CSMD2: variants seen among roughly 807,000 people sequenced by gnomAD.
CSMD2 encodes CUB and Sushi multiple domains 2.
CSMD2 carries 130 observed loss-of-function variants against 398.5 expected under a neutral mutation model. That is an observed-to-expected ratio of 0.33 (90% CI 0.28 to 0.38). The LOEUF is 0.38. CSMD2 is among the 10% of genes least tolerant of loss of function. The probability of loss-of-function intolerance (pLI) is 1.00; values close to 1 mark genes in which losing one functional copy is unlikely to be tolerated. For missense variants in CSMD2, 3,829 were observed against 4,764.9 expected (o/e 0.80, Z 5.78); for synonymous variants, 1,828 against 1,908.5 (o/e 0.96, Z 1.10).
In CSMD2 at chr1:33,954,954, G is replaced by A. The variant is rs1287255223; in HGVS notation, c.518-19000C>T. Among the ~76,000 whole-genome samples the A allele has an allele frequency of 2.0e-5, 3 of 152,268 alleles. No individual in the cohort carries two copies. In the East Asian group the frequency reaches 5.8e-4, roughly 29 times the overall value. ...TGAACTAACTCCACACTTAAAAATG[G>A]TTAAGATAATGAGTGGTGTTATGTG... On this transcript the variant is annotated intron_variant, in intron 3 of 70. Coordinates refer to ENST00000373381, the MANE Select transcript of CSMD2 (RefSeq NM_001281956.2).
Position 33,636,949 on chromosome 1 carries a change from T to C in CSMD2, c.4775-395A>G, listed in dbSNP as rs1487465704. Among the ~76,000 whole-genome samples, 1 of 152,106 alleles carries C rather than the reference T, an allele frequency of 6.6e-6. No individual in the cohort carries two copies. The highest frequency in any genetic ancestry group is 2.4e-5 in the African/African-American group (1 of 41,414). On this transcript the variant is annotated intron_variant, in intron 29 of 70. Coordinates refer to ENST00000373381, the MANE Select transcript of CSMD2 (RefSeq NM_001281956.2). The surrounding 1 kb of genome is among the most constrained non-coding windows in gnomAD (Gnocchi z 4.8). Reference sequence around the variant, plus strand: ...GCCGGCAGGGTCACTGTGGTAAAGGTCAGTGCTTAGGTACAGCCCATCACT... The same window carrying C: ...GCCGGCAGGGTCACTGTGGTAAAGGCCAGTGCTTAGGTACAGCCCATCACT...
chr1:33,820,016 T>C (rs552671531), intron 8 of CSMD2, among the ~76,000 whole-genome samples, 179 bp from the exon 9 acceptor site: 1 of 152,314 alleles, frequency 6.6e-6, no homozygotes, highest in South Asian at 2.1e-4. Context: ...TTCATCTTCT[T>C]TTTTCGGACT....
chr1:33,685,171 C>A (rs532796568), intron 25 of CSMD2, among the ~76,000 whole-genome samples: 1 of 152,274 alleles, frequency 6.6e-6, no homozygotes, highest in South Asian at 2.1e-4. Context: ...TCTGGAGCTG[C>A]GGCAGCCAAC....
At position 34,008,462 on chromosome 1, in the gene CSMD2, T is replaced by C. The variant is rs1647131693; in HGVS notation, c.517+24132A>G. Among the ~76,000 whole-genome samples, 6 of 152,308 alleles carry C rather than the reference T, an allele frequency of 3.9e-5. No individual in the cohort carries two copies. The Middle Eastern group carries it at 0.01, about 259-fold the overall frequency. ...ATGGGCAGAAGCTTCTGTGAGTCAA[T>C]ACAAAGAACTGCTAGGTCTGAGTAC... On this transcript the variant is annotated intron_variant, in intron 3 of 70. Coordinates refer to ENST00000373381, the MANE Select transcript of CSMD2 (RefSeq NM_001281956.2).
intron 3 of CSMD2, among the ~76,000 whole-genome samples, chr1:33,953,422 G>A (rs972274198): frequency 2.0e-5 from 3 of 152,208 alleles, no homozygotes; most frequent in African/African-American, 2.4e-5. Flanking sequence ...TGTCTGTCCT[G>A]CAGCCTCAAC....
Position 33,550,353 on chromosome 1 carries a change from G to A in CSMD2, c.8744-3C>T, listed in dbSNP as rs1190731097. The A allele has an allele frequency of 6.2e-7, 1 of 1,612,624 alleles. No individual in the cohort carries two copies. Among genetic ancestry groups the A allele is most frequent in the Non-Finnish European group, 8.5e-7 (1 of 1,178,812 alleles). ...GCCCGGATGGCCACAGGACACCACT[G>A]TGGGGGAAAAGCAAACATCTCAATG... is the stretch of plus-strand genomic sequence containing the variant. On this transcript the variant is annotated splice_polypyrimidine_tract_variant and splice_region_variant and intron_variant, in intron 55 of 70. Transcript: ENST00000373381.
chr1:34,091,298 A>G (rs1289834840), intron 1 of CSMD2, among the ~76,000 whole-genome samples: 4 of 152,060 alleles, frequency 2.6e-5, no homozygotes, highest in African/African-American at 9.7e-5. Context: ...TTTTGTTTGT[A>G]TTTACTTAGT....
rs142809047 is a variant in CSMD2, at chr1:33,582,028, T to C, written c.7241-1129A>G. Among the ~76,000 whole-genome samples the C allele has an allele frequency of 1.7e-3, 263 of 152,288 alleles. 2 individuals are homozygous for C. The highest frequency in any genetic ancestry group is 9.5e-3 in the Admixed American group (146 of 15,302). On this transcript the variant is annotated intron_variant, in intron 47 of 70. Coordinates refer to ENST00000373381, the MANE Select transcript of CSMD2 (RefSeq NM_001281956.2). ...AAGACCTGGAGGACACTCCATTTAC[T>C]AAAGCAATCAGGAGGTGAGGAGCTC... is the stretch of plus-strand genomic sequence containing the variant.
Position 33,962,924 on chromosome 1 carries a change from G to A in CSMD2, c.518-26970C>T, listed in dbSNP as rs116007978. 8.4e-3 allele frequency among the ~76,000 whole-genome samples: 1,275 copies of A among 152,308 alleles called. 5 individuals are homozygous for A. The highest frequency in any genetic ancestry group is 0.012 in the African/African-American group (513 of 41,562). On this transcript the variant is annotated intron_variant, in intron 3 of 70. Transcript: ENST00000373381. ...TTCTCTGGAATGCAAACTCATGAAGGAAGAGATTTCTGTTTCCTTCATTCT... is the reference window on the plus strand; with the variant it reads ...TTCTCTGGAATGCAAACTCATGAAGAAAGAGATTTCTGTTTCCTTCATTCT...
intron 4 of CSMD2, among the ~76,000 whole-genome samples, chr1:33,931,226 T>G (rs1644302938): frequency 6.6e-6 from 1 of 152,178 alleles, no homozygotes; most frequent in African/African-American, 2.4e-5. Context: ...TCTTGAGAGT[T>G]CTACACGAGA....
intron 5 of CSMD2, among the ~76,000 whole-genome samples, chr1:33,912,418 CA>C (rs200998514): frequency 1.4e-5 from 2 of 147,562 alleles, no homozygotes; most frequent in East Asian, 4.1e-4. Flanking sequence ...TACACCCCCC[CA>C]CACACACTCC....
chr1:33,579,770 C>T (rs951035331), intron 48 of CSMD2, among the ~76,000 whole-genome samples: 1 of 151,922 alleles, frequency 6.6e-6, no homozygotes. Context: ...CCTCCACCTC[C>T]CAGGTTCAAG....
At chr1:34,130,921 C>T (rs1171002423) in intron 1 of CSMD2, among the ~76,000 whole-genome samples, 1 of 152,094 alleles carries the variant, frequency 6.6e-6, no homozygotes, top group African/African-American at 2.4e-5. Flanking sequence ...CCGAGACCAT[C>T]CTATCCAGGA....
At chr1:34,059,734 A>G (rs962617211) in intron 2 of CSMD2, among the ~76,000 whole-genome samples, 3 of 152,200 alleles carry the variant, frequency 2.0e-5, no homozygotes, top group Non-Finnish European at 4.4e-5. Flanking sequence ...GAATGAATGA[A>G]TGAATGAACG....
chr1:33,539,861 G>A (rs1434969969), intron 60 of CSMD2, among the ~76,000 whole-genome samples: 1 of 152,150 alleles, frequency 6.6e-6, no homozygotes, highest in African/African-American at 2.4e-5. Context: ...ATCCCCAGAT[G>A]GAAGCAAATT....
intron 6 of CSMD2, among the ~76,000 whole-genome samples, chr1:33,841,943 C>G (rs1425354235): frequency 6.6e-6 from 1 of 152,130 alleles, no homozygotes; most frequent in African/African-American, 2.4e-5. Context: ...TTGGTTTGAA[C>G]TTTTCACATC....
intron 18 of CSMD2, 40 bp from the exon 19 acceptor site, chr1:33,724,353 C>T: frequency 6.5e-7 from 1 of 1,537,830 alleles, no homozygotes; most frequent in Non-Finnish European, 9.0e-7. Context: ...GACCAGAGGG[C>T]CTCAGGGAGC....
chr1:33,703,104 T>C (rs941107393), intron 22 of CSMD2, among the ~76,000 whole-genome samples: 1 of 152,210 alleles, frequency 6.6e-6, no homozygotes, highest in Non-Finnish European at 1.5e-5. Context: ...CTTTACAATA[T>C]ATTTAAATAA....
At chr1:34,123,738 CT>C (rs1237768715) in intron 1 of CSMD2, among the ~76,000 whole-genome samples, 2 of 151,996 alleles carry the variant, frequency 1.3e-5, no homozygotes, top group Non-Finnish European at 2.9e-5. Flanking sequence ...AAAACCCACA[CT>C]TTTGGTCACA....
Sources: allele counts gnomAD v4.1 joint callset (sites outside exome capture counted in the v4.1 genomes callset), GRCh38; gene constraint gnomAD v4.1.1; non-coding constraint Gnocchi (gnomAD v3.1); transcripts MANE v1.5; gene names NCBI Gene and HGNC (gene_info 2026-07-23, HGNC 2026-07-21).